NHSL1: variants seen among roughly 807,000 people sequenced by gnomAD.
NHSL1 encodes NHS-like protein 1.
NHSL1 carries 48 observed loss-of-function variants against 95.0 expected under a neutral mutation model. The ratio of observed to expected loss-of-function variants is 0.51; its 90% confidence interval spans 0.40 to 0.64. NHSL1 has a LOEUF of 0.64. Among genes scored for constraint, NHSL1 ranks in the 30% least tolerant of loss-of-function variants. The pLI, the probability that NHSL1 is intolerant of heterozygous loss-of-function variation, is 0.00. For synonymous variants in NHSL1, 783 were observed against 833.9 expected, an observed-to-expected ratio of 0.94 and a Z score of 1.05; for missense variants, 1,971 against 2,077.7, an observed-to-expected ratio of 0.95 and a Z score of 1.00.
At position 138,672,400 on chromosome 6, in the gene NHSL1, T is replaced by A. The variant is rs139680477; in HGVS notation, c.96+20076A>T. Among the ~76,000 whole-genome samples, 218 of 152,294 alleles carry A rather than the reference T, an allele frequency of 1.4e-3. 2 individuals are homozygous for A. The highest frequency in any genetic ancestry group is 5.1e-3 in the African/African-American group (211 of 41,570). ...TTTCTTTCCCCTTCATAGTTATTCC[T>A]CTGACCGCCCAGCACTCAACAATAA... On this transcript the variant is annotated intron_variant, in intron 1 of 3. Transcript: ENST00000491526.
At chr6:138,438,554 A>T (rs969828752) in intron 5 of NHSL1, among the ~76,000 whole-genome samples, 11 of 152,210 alleles carry the variant, frequency 7.2e-5, no homozygotes, top group African/African-American at 2.7e-4. Flanking sequence ...CTACAAAAAG[A>T]CAACTACAAA....
chr6:138,671,949 G>C (rs376828300), intron 1 of NHSL1, among the ~76,000 whole-genome samples: 52 of 54,246 alleles, frequency 9.6e-4, no homozygotes, highest in Middle Eastern at 0.011. Context: ...CCTATAGGGG[G>C]GTGGGTTGAG....
chr6:138,454,126 A>G (rs1362287327), intron 3 of NHSL1, among the ~76,000 whole-genome samples: 1 of 151,902 alleles, frequency 6.6e-6, no homozygotes, highest in Non-Finnish European at 1.5e-5. Context: ...CCATCTCCCT[A>G]CTTCCCCAGA....
At chr6:138,511,312 TG>T (rs1349224998) in intron 1 of NHSL1, among the ~76,000 whole-genome samples, 3 of 152,098 alleles carry the variant, frequency 2.0e-5, no homozygotes, top group Non-Finnish European at 4.4e-5. Flanking sequence ...AAGGCAGGTA[TG>T]GAGATTTCAT....
chr6:138,681,419 A>C (rs778644934), intron 1 of NHSL1, among the ~76,000 whole-genome samples: 8 of 152,198 alleles, frequency 5.3e-5, no homozygotes, highest in Non-Finnish European at 1.2e-4. Context: ...ATTTATGCTG[A>C]GGTTACTTGG....
chr6:138,643,721 C>G (rs768082549), intron 1 of NHSL1, among the ~76,000 whole-genome samples: 4 of 152,096 alleles, frequency 2.6e-5, no homozygotes, highest in Non-Finnish European at 5.9e-5. Flanking sequence ...AAAAGTTAAG[C>G]AGCTTGGTGG....
rs993090360 is a variant in NHSL1, at chr6:138,432,160, C to A, written c.2185G>T (p.Glu729Ter). Residue 729 changes from glutamate (E) to a stop codon, truncating the protein, a stop_gained, in exon 6 of 8, where the codon GAA becomes TAA. Coordinates refer to ENST00000343505, the MANE Select transcript of NHSL1 (RefSeq NM_001144060.2). LOFTEE classifies it high-confidence loss of function. The surrounding 1 kb of genome is among the most constrained non-coding windows in gnomAD (Gnocchi z 4.4). The part of the protein sequence containing the change: ...SPSQSPCSDL[E>*]EPWLPRSRSQ... ...CGGGAGCGGGGCAGCCAGGGCTCTT[C>A]CAAGTCACTGCAGGGGCTCTGGGAG... 7.1e-6 allele frequency: 11 copies of A among 1,548,184 alleles called. No homozygotes were observed. In the African/African-American group the frequency reaches 1.5e-4, roughly 21 times the overall value.
At chr6:138,624,416 C>A (rs1198346088) in intron 1 of NHSL1, among the ~76,000 whole-genome samples, 1 of 152,146 alleles carries the variant, frequency 6.6e-6, no homozygotes, top group Non-Finnish European at 1.5e-5. Context: ...TTGTATGACA[C>A]AGATGACTCT....
At chr6:138,490,781 G>A (rs1036021078) in intron 2 of NHSL1, among the ~76,000 whole-genome samples, 3 of 152,072 alleles carry the variant, frequency 2.0e-5, no homozygotes, top group African/African-American at 7.2e-5. Context: ...CTACAGGCAT[G>A]CGCCACCACA....
upstream of NHSL1, among the ~76,000 whole-genome samples, chr6:138,500,667 G>A (rs1026711888): frequency 6.6e-6 from 1 of 152,068 alleles, no homozygotes; most frequent in African/African-American, 2.4e-5. Context: ...CTCTGTCTAG[G>A]GAAAGCTTTG....
chr6:138,676,681 GTCTAGC>G (rs1785453403), intron 1 of NHSL1, among the ~76,000 whole-genome samples: 3 of 152,112 alleles, frequency 2.0e-5, no homozygotes, highest in Non-Finnish European at 4.4e-5. Flanking sequence ...TTGAGACTGA[GTCTAGC>G]TCTGTCACCC....
intron 1 of NHSL1, among the ~76,000 whole-genome samples, chr6:138,563,075 T>C (rs1456904265): frequency 1.3e-5 from 2 of 152,156 alleles, no homozygotes; most frequent in African/African-American, 2.4e-5. Flanking sequence ...ATCTGAAGAA[T>C]TATACTCAGT....
chr6:138,651,798 T>C (rs1212145075), intron 1 of NHSL1, among the ~76,000 whole-genome samples: 3 of 152,154 alleles, frequency 2.0e-5, no homozygotes, highest in Non-Finnish European at 2.9e-5. Flanking sequence ...GAAATCACAA[T>C]AGGTATCAGA....
At chr6:138,629,451 C>T (rs752394652) in intron 1 of NHSL1, among the ~76,000 whole-genome samples, 1 of 151,524 alleles carries the variant, frequency 6.6e-6, no homozygotes, top group African/African-American at 2.4e-5. Context: ...GTCGCGATCT[C>T]GGCTCACTGC....
upstream of NHSL1, among the ~76,000 whole-genome samples, chr6:138,501,162 ACT>A (rs1780653465): frequency 6.6e-6 from 1 of 152,168 alleles, no homozygotes; most frequent in Non-Finnish European, 1.5e-5. Flanking sequence ...CTTTCAAGAA[ACT>A]CTGATTATGC....
chr6:138,595,306 G>A (rs1784288864), intron 1 of NHSL1, among the ~76,000 whole-genome samples: 2 of 152,242 alleles, frequency 1.3e-5, no homozygotes, highest in Non-Finnish European at 2.9e-5. Context: ...GGGTACAGTG[G>A]CTCATGCCCG....
intron 1 of NHSL1, among the ~76,000 whole-genome samples, chr6:138,561,765 T>C (rs576294270): frequency 6.6e-6 from 1 of 152,270 alleles, no homozygotes. Context: ...GGGGAAGCAC[T>C]AGCTGGGAGA....
intron 2 of NHSL1, among the ~76,000 whole-genome samples, chr6:138,481,907 A>C (rs1418190860): frequency 6.6e-6 from 1 of 152,250 alleles, no homozygotes; most frequent in Non-Finnish European, 1.5e-5. Flanking sequence ...AAGTAACATA[A>C]AACATAAAAA....
At chr6:138,602,757 T>C (rs530797804) in intron 1 of NHSL1, among the ~76,000 whole-genome samples, 4 of 152,368 alleles carry the variant, frequency 2.6e-5, no homozygotes, top group South Asian at 2.1e-4. Flanking sequence ...TCATTTCCCA[T>C]GGATAAAGAG....
Sources: gnomAD v4.1 joint callset for allele counts (sites outside exome capture counted in the v4.1 genomes callset) on GRCh38, gnomAD v4.1.1 for gene constraint, Gnocchi (gnomAD v3.1) non-coding constraint, MANE v1.5 for transcripts, NCBI Gene and HGNC (gene_info 2026-07-23, HGNC 2026-07-21) for gene names.